PPP1R12B: variants seen among roughly 807,000 people sequenced by gnomAD.
PPP1R12B encodes myosin phosphatase target subunit 2.
A neutral mutation model predicts 126.1 loss-of-function variants in PPP1R12B; 76 were observed. The observed-to-expected ratio is 0.60, with a 90% CI of 0.50 to 0.73. PPP1R12B has a LOEUF of 0.73. PPP1R12B is among the 30% of genes least tolerant of loss of function. The probability of loss-of-function intolerance (pLI) is 0.00; values close to 1 mark genes in which losing one functional copy is unlikely to be tolerated. For synonymous variants in PPP1R12B, 356 were observed against 434.7 expected, an observed-to-expected ratio of 0.82 and a Z score of 2.25; for missense variants, 1,052 against 1,205.1, an observed-to-expected ratio of 0.87 and a Z score of 1.88.
chr1:202,561,967 G>T (rs191008021), intron 19 of PPP1R12B, among the ~76,000 whole-genome samples: 1 of 152,302 alleles, frequency 6.6e-6, no homozygotes, highest in African/African-American at 2.4e-5. Context: ...GTAGCACTCT[G>T]CAGGGCTGAT....
At chr1:202,544,450 A>C (rs771414311) in intron 18 of PPP1R12B, among the ~76,000 whole-genome samples, 5 of 152,190 alleles carry the variant, frequency 3.3e-5, no homozygotes, top group Non-Finnish European at 5.9e-5. Flanking sequence ...CTAATTTAAA[A>C]ATTTTTCAAT....
intron 1 of PPP1R12B, among the ~76,000 whole-genome samples, chr1:202,413,800 G>T (rs1044030716): frequency 2.0e-5 from 3 of 152,070 alleles, no homozygotes; most frequent in African/African-American, 7.2e-5. Context: ...TTATTTTGAT[G>T]AAAGTATATA....
Position 202,366,617 on chromosome 1 carries a change from G to A in PPP1R12B, c.291+17475G>A, listed in dbSNP as rs563968574. On this transcript the variant is annotated intron_variant, in intron 1 of 23. Coordinates refer to ENST00000608999, the MANE Select transcript of PPP1R12B (RefSeq NM_002481.4). The stretch of plus-strand genomic sequence containing the variant: ...AGACATTGAGCAACAGAATAAAAAT[G>A]TATGAATATTAAATAAATAGACTAA... Among the ~76,000 whole-genome samples the A allele has an allele frequency of 4.0e-5, 6 of 151,164 alleles. 1 individual carries two copies. The South Asian group carries it at 8.4e-4, about 21-fold the overall frequency.
intron 18 of PPP1R12B, among the ~76,000 whole-genome samples, chr1:202,498,298 G>A (rs1572284579): frequency 6.6e-6 from 1 of 152,198 alleles, no homozygotes; most frequent in African/African-American, 2.4e-5. Flanking sequence ...AATTGCATAA[G>A]GCATCTACTA....
At chr1:202,530,239 G>A (rs1345468153) in intron 18 of PPP1R12B, among the ~76,000 whole-genome samples, 1 of 151,974 alleles carries the variant, frequency 6.6e-6, no homozygotes, top group Non-Finnish European at 1.5e-5. Context: ...CCCTGAGCCT[G>A]GCATTTGAAA....
At chr1:202,363,457 C>T (rs1187369845) in intron 1 of PPP1R12B, among the ~76,000 whole-genome samples, 1 of 152,200 alleles carries the variant, frequency 6.6e-6, no homozygotes, top group Non-Finnish European at 1.5e-5. Flanking sequence ...CATTAGCCTT[C>T]TCTAATAAGG....
Position 202,434,579 on chromosome 1 carries a change from A to C in PPP1R12B, c.1142-77A>C. The C allele has an allele frequency of 4.6e-6, 7 of 1,519,244 alleles. No individual in the cohort carries two copies. In the South Asian group the frequency reaches 9.1e-5, roughly 20 times the overall value. The allele number at this position is 1,519,244 out of a possible 1,614,324, so 94.1% of individuals were successfully genotyped here. A position where few individuals can be genotyped will look rare whatever the true frequency, so the allele number is the denominator to read the frequency against. ...TTTTGATAATGGGCAAATCTTTTCT[A>C]TTAGCAGAAAAGGACATAGACACAA... On this transcript the variant is annotated intron_variant, in intron 8 of 23. Coordinates refer to ENST00000608999, the MANE Select transcript of PPP1R12B (RefSeq NM_002481.4).
chr1:202,423,017 G>A (rs1490453731), intron 3 of PPP1R12B, among the ~76,000 whole-genome samples: 2 of 152,166 alleles, frequency 1.3e-5, no homozygotes, highest in East Asian at 1.9e-4. Flanking sequence ...AGGACTGTGT[G>A]TATGCACAGT....
At position 202,488,642 on chromosome 1, in the gene PPP1R12B, A is replaced by T. The variant is rs764496205; in HGVS notation, c.1941+19A>T. 1.7e-5 allele frequency: 27 copies of T among 1,572,842 alleles called. No individual in the cohort carries two copies. The highest frequency in any genetic ancestry group is 5.4e-5 in the African/African-American group (4 of 73,994). On this transcript the variant is annotated intron_variant, in intron 14 of 23. Coordinates refer to ENST00000608999, the MANE Select transcript of PPP1R12B (RefSeq NM_002481.4). ...TACTCAAGTGAGTGTGGCTTTTTTTAAAATGTCATTTTGTGTATCTACCCT... is the reference window on the plus strand; with the variant it reads ...TACTCAAGTGAGTGTGGCTTTTTTTTAAATGTCATTTTGTGTATCTACCCT...
At chr1:202,520,491 A>C (rs1311615449) in intron 18 of PPP1R12B, among the ~76,000 whole-genome samples, 1 of 152,234 alleles carries the variant, frequency 6.6e-6, no homozygotes, top group East Asian at 1.9e-4. Context: ...TAAGATTTAC[A>C]GTAAAGTCTG....
chr1:202,497,669 AG>A (rs1273372678), intron 18 of PPP1R12B, among the ~76,000 whole-genome samples: 1 of 152,192 alleles, frequency 6.6e-6, no homozygotes, highest in Admixed American at 6.5e-5. Context: ...CCTTCTAGAA[AG>A]TAGTGCCTTT....
chr1:202,476,293 C>A (rs574747425), intron 13 of PPP1R12B, among the ~76,000 whole-genome samples: 1 of 151,276 alleles, frequency 6.6e-6, no homozygotes, highest in Non-Finnish European at 1.5e-5. Context: ...CCACAGCATC[C>A]TCAGTGGTCA....
intron 13 of PPP1R12B, among the ~76,000 whole-genome samples, chr1:202,475,465 G>A (rs1377037617): frequency 6.6e-6 from 1 of 152,146 alleles, no homozygotes; most frequent in Non-Finnish European, 1.5e-5. Context: ...ATTAGTTCCC[G>A]ATATTGCAGG....
chr1:202,354,522 C>T (rs985017741), intron 1 of PPP1R12B, among the ~76,000 whole-genome samples: 1 of 151,890 alleles, frequency 6.6e-6, no homozygotes, highest in Non-Finnish European at 1.5e-5. Context: ...GAGCCATGAT[C>T]GTGCCACTGC....
Position 202,419,969 on chromosome 1 carries a change from G to GTAT in PPP1R12B, c.423-2651_423-2650insTAT, listed in dbSNP as rs1332433939. 2.0e-5 allele frequency among the ~76,000 whole-genome samples: 3 copies of GTAT among 152,100 alleles called. No individual in the cohort carries two copies. The highest frequency in any genetic ancestry group is 4.4e-5 in the Non-Finnish European group (3 of 68,016). On this transcript the variant is annotated intron_variant, in intron 2 of 23. Transcript: ENST00000608999. The surrounding 1 kb of genome is among the most constrained non-coding windows in gnomAD (Gnocchi z 4.6). The stretch of plus-strand genomic sequence containing the variant: ...TTGCCAGAGAAAAGGAGCAAGTAGG[G>GTAT]GAATAGTCAATTAAATGTTCATCTC...
intron 3 of PPP1R12B, among the ~76,000 whole-genome samples, chr1:202,424,077 C>T (rs1669168791): frequency 6.6e-6 from 1 of 152,154 alleles, no homozygotes; most frequent in African/African-American, 2.4e-5. Flanking sequence ...AATGTACAAA[C>T]AACTTTAAAA....
intron 21 of PPP1R12B, chr1:202,567,561 T>TC (rs1452993290): frequency 1.8e-6 from 1 of 546,332 alleles, no homozygotes; most frequent in Non-Finnish European, 3.2e-6. Flanking sequence ...ACTACTGCCT[T>TC]CCCCTCCCCA....
intron 18 of PPP1R12B, among the ~76,000 whole-genome samples, chr1:202,516,748 C>T (rs1682191622): frequency 6.6e-6 from 1 of 152,188 alleles, no homozygotes; most frequent in Non-Finnish European, 1.5e-5. Context: ...CCTTAGTCCA[C>T]ATTTCTGCTT....
Position 202,588,824 on chromosome 1 carries a change from A to AAGATAGATAGATAGATGATAGAT in PPP1R12B, c.*8280_*8281insGATAGATAGATAGATAGATAGAT, listed in dbSNP as rs1689975987. The AAGATAGATAGATAGATGATAGAT allele has an allele frequency of 6.9e-6, 1 of 144,124 alleles. No individual in the cohort carries two copies. Among genetic ancestry groups the AAGATAGATAGATAGATGATAGAT allele is most frequent in the Admixed American group, 6.9e-5 (1 of 14,506 alleles). The allele number at this position is 144,124 out of a possible 1,614,324, so 8.9% of individuals were successfully genotyped here. A position where few individuals can be genotyped will look rare whatever the true frequency, so the allele number is the denominator to read the frequency against. On this transcript the variant is annotated 3_prime_UTR_variant, in exon 24 of 24. Transcript: ENST00000608999. ...CTAGATTGGCGTTCAAAAGAACCGTAAGATAGATAGATAGATAGATAGATA... is the reference window on the plus strand; with the variant it reads ...CTAGATTGGCGTTCAAAAGAACCGTAAGATAGATAGATAGATGATAGATAGATAGATAGATAGATAGATAGATA...
Sources: allele counts gnomAD v4.1 joint callset (sites outside exome capture counted in the v4.1 genomes callset), GRCh38; gene constraint gnomAD v4.1.1; non-coding constraint Gnocchi (gnomAD v3.1); transcripts MANE v1.5; gene names NCBI Gene and HGNC (gene_info 2026-07-23, HGNC 2026-07-21).